The following EIF2S3B variants were observed in gnomAD, a reference collection of about 807,000 sequenced individuals.
The protein encoded by EIF2S3B is eukaryotic translation initiation factor 2 subunit 3B.
A neutral mutation model predicts 26.4 loss-of-function variants in EIF2S3B; 16 were observed. That is an observed-to-expected ratio of 0.61 (90% confidence interval 0.41 to 0.92). EIF2S3B has a LOEUF of 0.92. Ranked by LOEUF, EIF2S3B falls within the 40% of genes least tolerant of loss-of-function variation. The pLI is 0.00. For synonymous variants in EIF2S3B, 183 were observed against 204.4 expected (o/e 0.90, Z 0.89); for missense variants, 510 against 575.5 (o/e 0.89, Z 1.16).
intron 1 of EIF2S3B, among the ~76,000 whole-genome samples, chr12:10,515,603 C>G (rs1250215194): frequency 6.6e-6 from 1 of 151,940 alleles, no homozygotes; most frequent in Non-Finnish European, 1.5e-5. Context: ...ATGTTCTTCA[C>G]TCTATAACTC....
rs746518697 is a variant in EIF2S3B, at chr12:10,506,331, T to TA, written c.430dup (p.Thr144AsnfsTer19). 4.3e-6 allele frequency: 7 copies of TA among 1,614,050 alleles called. No homozygotes were observed. Among genetic ancestry groups the TA allele is most frequent in the Middle Eastern group, 3.3e-4 (2 of 6,080 alleles). On this transcript the variant is annotated frameshift_variant, in exon 1 of 1. Transcript: ENST00000538173. LOFTEE classifies it high-confidence loss of function. ...GTCCTGGCCACGATATTTTGATGGC[T>TA]ACTATGCTGAACGGTGCAGCAGTGA...
chr12:10,510,903 T>C (rs147741122), downstream of EIF2S3B, among the ~76,000 whole-genome samples: 891 of 152,208 alleles, frequency 5.9e-3, 6 homozygotes, highest in Non-Finnish European at 6.4e-3. Flanking sequence ...GGCAAACTTA[T>C]TCACAAGCAA....
chr12:10,507,422 T>C lies in EIF2S3B; in HGVS notation c.*101T>C. 7 of 1,411,484 alleles carry C rather than the reference T, an allele frequency of 5.0e-6. No homozygotes were observed. Among genetic ancestry groups the C allele is most frequent in the Non-Finnish European group, 7.0e-6 (7 of 1,005,896 alleles). The allele number at this position is 1,411,484 out of a possible 1,614,324, so 87.4% of individuals were successfully genotyped here. Reference sequence around the variant, plus strand: ...TCAAAGCGATATTGGGGAATTGATTTCACAGTTTGTTACCTTAGTAGGTAA... The same window carrying C: ...TCAAAGCGATATTGGGGAATTGATTCCACAGTTTGTTACCTTAGTAGGTAA... On this transcript the variant is annotated 3_prime_UTR_variant, in exon 1 of 1. Transcript: ENST00000538173.
chr12:10,517,852 C>T (rs1340168059), intron 1 of EIF2S3B, among the ~76,000 whole-genome samples: 2 of 152,024 alleles, frequency 1.3e-5, no homozygotes, highest in African/African-American at 4.8e-5. Flanking sequence ...TTATTTCTGC[C>T]TTCATTTCGT....
chr12:10,512,178 C>T (rs951740971), downstream of EIF2S3B, among the ~76,000 whole-genome samples: 2 of 152,100 alleles, frequency 1.3e-5, no homozygotes, highest in African/African-American at 2.4e-5. Context: ...CCTTATCGCC[C>T]GCTCAAGTCC....
intron 1 of EIF2S3B, among the ~76,000 whole-genome samples, chr12:10,518,494 C>A (rs934458745): frequency 1.3e-5 from 2 of 152,006 alleles, no homozygotes; most frequent in African/African-American, 4.8e-5. Context: ...CTATGTGTGT[C>A]TCTGCACGTG....
chr12:10,515,142 A>T (rs986858871), intron 1 of EIF2S3B, among the ~76,000 whole-genome samples: 3 of 151,950 alleles, frequency 2.0e-5, no homozygotes, highest in Admixed American at 2.0e-4. Flanking sequence ...CATCTACATT[A>T]GTCTTGTTTA....
intron 1 of EIF2S3B, among the ~76,000 whole-genome samples, chr12:10,518,219 T>C (rs902964301): frequency 2.6e-5 from 4 of 152,136 alleles, no homozygotes; most frequent in African/African-American, 9.7e-5. Context: ...GGTGTTAAGG[T>C]CTCCCATTAT....
rs746860073 is a variant in EIF2S3B, at chr12:10,507,043, C to T, written c.1141C>T (p.Leu381Phe). The T allele has an allele frequency of 2.5e-6, 4 of 1,613,716 alleles. No homozygotes were observed. The highest frequency in any genetic ancestry group is 1.1e-5 in the South Asian group (1 of 91,070). ...AATTTCCTATTTCCTGCTTAGACGG[C>T]TTCTAGGTGTACGCACTGAAGGAGA... ...LEISYFLLRR[L>F]LGVRTEGDKK... The change falls in exon 1 of 1, where the codon CTT (leucine) becomes TTT (phenylalanine). Residue 381 changes from leucine (L) to phenylalanine (F), a missense_variant. Transcript: ENST00000538173.
intron 1 of EIF2S3B, among the ~76,000 whole-genome samples, chr12:10,518,981 C>T (rs1484296016): frequency 6.6e-6 from 1 of 151,854 alleles, no homozygotes; most frequent in Non-Finnish European, 1.5e-5. Context: ...CTACCAATGA[C>T]TTTCTTCACA....
At chr12:10,516,484 A>G (rs995078057) in intron 1 of EIF2S3B, among the ~76,000 whole-genome samples, 1 of 152,050 alleles carries the variant, frequency 6.6e-6, no homozygotes, top group African/African-American at 2.4e-5. Context: ...TAAAATCACT[A>G]TGCTGATCAC....
chr12:10,516,238 G>C (rs949177237), intron 1 of EIF2S3B, among the ~76,000 whole-genome samples: 1 of 151,870 alleles, frequency 6.6e-6, no homozygotes, highest in African/African-American at 2.4e-5. Flanking sequence ...TTTCGTAGAG[G>C]TTCCACAGTT....
At chr12:10,519,011 T>G (rs1305495694) in intron 1 of EIF2S3B, among the ~76,000 whole-genome samples, 2 of 150,468 alleles carry the variant, frequency 1.3e-5, no homozygotes, top group African/African-American at 2.4e-5. Flanking sequence ...AAAACTACTT[T>G]AAAGTTCATA....
intron 1 of EIF2S3B, among the ~76,000 whole-genome samples, chr12:10,518,724 C>T (rs1479004123): frequency 2.2e-4 from 33 of 151,810 alleles, no homozygotes; most frequent in Non-Finnish European, 3.2e-4. Flanking sequence ...AACAGACAAA[C>T]AGAGAGCCAA....
Position 10,507,004 on chromosome 12 carries a change from T to C in EIF2S3B, c.1102T>C (p.Phe368Leu). The C allele has an allele frequency of 2.5e-6, 4 of 1,613,750 alleles. No individual in the cohort carries two copies. Among genetic ancestry groups the C allele is most frequent in the South Asian group, 1.1e-5 (1 of 91,064 alleles). The change falls in exon 1 of 1, where the codon TTC (phenylalanine) becomes CTC (leucine). Residue 368 changes from phenylalanine to leucine, a missense_variant. Physicochemically the swap from Phe to Leu is conservative, Grantham distance 22 (BLOSUM62 0). Coordinates refer to ENST00000538173, the MANE Select transcript of EIF2S3B (RefSeq NM_001357734.3). Reference sequence around the variant, plus strand: ...TGCAGTCGGAGCTTTACCTGAGATATTCACAGAATTGGAAATTTCCTATTT... The same window carrying C: ...TGCAGTCGGAGCTTTACCTGAGATACTCACAGAATTGGAAATTTCCTATTT... ...LGAVGALPEI[F>L]TELEISYFLL...
downstream of EIF2S3B, among the ~76,000 whole-genome samples, chr12:10,512,142 A>G (rs148125591): frequency 6.6e-6 from 1 of 152,314 alleles, no homozygotes; most frequent in African/African-American, 2.4e-5. Flanking sequence ...CTATTTCCTT[A>G]TAACTAATCA....
downstream of EIF2S3B, among the ~76,000 whole-genome samples, chr12:10,510,470 C>A (rs1165365565): frequency 6.6e-6 from 1 of 152,156 alleles, no homozygotes; most frequent in Non-Finnish European, 1.5e-5. Flanking sequence ...TCCAAGTTTT[C>A]TCTTCTTTTG....
chr12:10,514,406 A>G lies in EIF2S3B; in HGVS notation c.1308+7196A>G, dbSNP rs1449096986. On this transcript the variant is annotated intron_variant, in intron 1 of 1. Transcript: ENST00000322446. ...TCCTTTCCTTACAATGTTTTCAAAT[A>G]CTTATTATATTAATTGATAATTCCA... Among the ~76,000 whole-genome samples the G allele has an allele frequency of 2.6e-5, 4 of 152,080 alleles. No individual in the cohort carries two copies. In the East Asian group the frequency reaches 7.7e-4, roughly 29 times the overall value.
In EIF2S3B at chr12:10,506,520, G is replaced by C. The variant is rs1382717606; in HGVS notation, c.618G>C (p.Gln206His). ...GGCAGGCTAAAGAACAATACGAGCA[G>C]ATCCTTGCGTTTGTCCAAGGTACAG... Reference protein sequence around the residue: ...KERQAKEQYEQILAFVQGTVA... With the variant: ...KERQAKEQYEHILAFVQGTVA... The change falls in exon 1 of 1, where the codon CAG (glutamine) becomes CAC (histidine). Residue 206 changes from glutamine (Q) to histidine (H), a missense_variant. Coordinates refer to ENST00000538173, the MANE Select transcript of EIF2S3B (RefSeq NM_001357734.3). 2 of 1,596,576 alleles carry C rather than the reference G, an allele frequency of 1.3e-6. No homozygotes were observed.
Sources: allele counts gnomAD v4.1 joint callset (sites outside exome capture counted in the v4.1 genomes callset), GRCh38; gene constraint gnomAD v4.1.1; transcripts MANE v1.5; gene names NCBI Gene and HGNC (gene_info 2026-07-23, HGNC 2026-07-21).